CFAP58: variants seen among roughly 807,000 people sequenced by gnomAD.
CFAP58 encodes cilia and flagella associated protein 58.
CFAP58 carries 88 observed loss-of-function variants against 119.5 expected under a neutral mutation model. That is an observed-to-expected ratio of 0.74 (90% CI 0.62 to 0.88). CFAP58 has a LOEUF of 0.88. Ranked by LOEUF, CFAP58 falls within the 40% of genes least tolerant of loss-of-function variation. The pLI, the probability that CFAP58 is intolerant of heterozygous loss-of-function variation, is 0.00. For synonymous variants in CFAP58, 365 were observed against 366.3 expected (o/e 1.00, Z 0.04); for missense variants, 990 against 1,021.2 (o/e 0.97, Z 0.42).
intron 15 of CFAP58, among the ~76,000 whole-genome samples, chr10:104,435,760 T>TACA (rs1486260363): frequency 1.1e-4 from 17 of 152,342 alleles, no homozygotes; most frequent in South Asian, 2.1e-4. Flanking sequence ...TTATTAAGGC[T>TACA]TCAATTATCA....
chr10:104,384,165 T>A (rs1400650859), intron 9 of CFAP58, among the ~76,000 whole-genome samples: 1 of 152,242 alleles, frequency 6.6e-6, no homozygotes, highest in Non-Finnish European at 1.5e-5. Flanking sequence ...CTAATATGAA[T>A]CTGAGAAAGA....
rs200015401 is a variant in CFAP58 at position 104,357,872 on chromosome 10, T to C, written c.10-469T>C. 9.6e-5 allele frequency among the ~76,000 whole-genome samples: 12 copies of C among 124,820 alleles called. 1 individual carries two copies. The highest frequency in any genetic ancestry group is 3.1e-4 in the Admixed American group (4 of 12,952). The allele number at this position is 124,820 out of a possible 152,430, so 81.9% of individuals were successfully genotyped here. A position where few individuals can be genotyped will look rare whatever the true frequency, so the allele number is the denominator to read the frequency against. On this transcript the variant is annotated intron_variant, in intron 1 of 17. Coordinates refer to ENST00000369704, the MANE Select transcript of CFAP58 (RefSeq NM_001008723.2). The stretch of plus-strand genomic sequence containing the variant: ...ACACATATATACACATATATACACA[T>C]ATATGTACACATATATAAACATATA...
At chr10:104,384,351 G>A (rs1489530029) in intron 9 of CFAP58, among the ~76,000 whole-genome samples, 1 of 152,200 alleles carries the variant, frequency 6.6e-6, no homozygotes, top group Non-Finnish European at 1.5e-5. Flanking sequence ...AAGTGGATCT[G>A]CCACCACCCT....
chr10:104,429,960 G>C (rs556787309), intron 15 of CFAP58, among the ~76,000 whole-genome samples: 2 of 152,182 alleles, frequency 1.3e-5, no homozygotes, highest in Admixed American at 1.3e-4. Context: ...ACTCGGGGAG[G>C]GGTCTGCACC....
intron 11 of CFAP58, 50 bp from the exon 12 acceptor site, chr10:104,399,309 GT>G: frequency 6.2e-7 from 1 of 1,601,560 alleles, no homozygotes; most frequent in East Asian, 2.2e-5. Flanking sequence ...TGTCGTCCTG[GT>G]TTGTGCTGTA....
chr10:104,363,261 A>G (rs2135252024), intron 3 of CFAP58, among the ~76,000 whole-genome samples: 1 of 152,318 alleles, frequency 6.6e-6, no homozygotes. Flanking sequence ...GCACCTTTAT[A>G]TCCCCTCCAG....
rs200198757 is a variant in CFAP58 at position 104,399,444 on chromosome 10, C to T, written c.1759C>T (p.Arg587Ter). ...KQEAEERKLL[R>*]IIAEADGERL... is the part of the protein sequence containing the mutation. ...AGAAGCTGAAGAGAGAAAACTCCTGCGAATAATTGCTGAGGCTGACGGGGA... is the reference window on the plus strand; with the variant it reads ...AGAAGCTGAAGAGAGAAAACTCCTGTGAATAATTGCTGAGGCTGACGGGGA... Residue 587 changes from arginine (R) to a stop codon, truncating the protein, a stop_gained, in exon 12 of 18, where the codon CGA becomes TGA. Transcript: ENST00000369704. LOFTEE classifies it high-confidence loss of function. The T allele has an allele frequency of 4.8e-5, 77 of 1,613,804 alleles. No homozygotes were observed. The highest frequency in any genetic ancestry group is 5.9e-5 in the Non-Finnish European group (70 of 1,179,884).
At chr10:104,371,191 A>G in intron 7 of CFAP58, 137 bp downstream of exon 7, 2 of 752,832 alleles carry the variant, frequency 2.7e-6, no homozygotes, top group Non-Finnish European at 4.1e-6. Flanking sequence ...ACTGGTAAAC[A>G]GTCAATATGG....
intron 1 of CFAP58, 107 bp downstream of exon 1, chr10:104,354,013 C>A: frequency 7.2e-7 from 1 of 1,384,148 alleles, no homozygotes. Context: ...CCCCCATCAA[C>A]ATCTTATTCC....
intron 15 of CFAP58, among the ~76,000 whole-genome samples, chr10:104,423,421 AT>A (rs1195470486): frequency 3.3e-5 from 5 of 152,094 alleles, no homozygotes; most frequent in African/African-American, 1.2e-4. Flanking sequence ...GTTTTAAAAT[AT>A]TTTTTTCTTC....
chr10:104,412,428 A>G (rs1212860483), intron 15 of CFAP58, among the ~76,000 whole-genome samples: 1 of 152,026 alleles, frequency 6.6e-6, no homozygotes, highest in Non-Finnish European at 1.5e-5. Context: ...TAGCGTTTGG[A>G]ATGGTTGGGC....
intron 15 of CFAP58, among the ~76,000 whole-genome samples, chr10:104,441,090 C>T (rs2133091072): frequency 6.6e-6 from 1 of 152,362 alleles, no homozygotes; most frequent in East Asian, 1.9e-4. Context: ...GCAGCCTCTG[C>T]CTCCCAGGTT....
At position 104,407,167 on chromosome 10, in the gene CFAP58, A is replaced by G. The variant is rs192021089; in HGVS notation, c.2256+374A>G. Among the ~76,000 whole-genome samples the G allele has an allele frequency of 2.2e-4, 34 of 152,338 alleles. No homozygotes were observed. The East Asian group carries it at 5.0e-3, about 22-fold the overall frequency. ...AAATAAGCTTTCTCATAGAGCACAA[A>G]TGATCTGTTCACATGAAGATTTATG... On this transcript the variant is annotated intron_variant, in intron 15 of 17. Transcript: ENST00000369704.
intron 1 of CFAP58, among the ~76,000 whole-genome samples, chr10:104,357,341 G>T (rs920686663): frequency 6.6e-6 from 1 of 152,184 alleles, no homozygotes; most frequent in African/African-American, 2.4e-5. Flanking sequence ...ACACTGTGGG[G>T]CATGACCTAG....
At chr10:104,404,386 A>G (rs1014190759) in intron 14 of CFAP58, among the ~76,000 whole-genome samples, 1 of 152,182 alleles carries the variant, frequency 6.6e-6, no homozygotes, top group Admixed American at 6.5e-5. Flanking sequence ...ATTTAATTCT[A>G]TGACTTTCTG....
intron 1 of CFAP58, among the ~76,000 whole-genome samples, chr10:104,357,974 TGTAC>T (rs1245657640): frequency 7.2e-6 from 1 of 138,564 alleles, no homozygotes; most frequent in African/African-American, 3.1e-5. Flanking sequence ...TGTACACATA[TGTAC>T]ATATGTACAC....
At chr10:104,353,640 T>C (rs2014496702), upstream of CFAP58, 4 of 489,716 alleles carry the variant, frequency 8.2e-6, no homozygotes, top group Admixed American at 1.0e-4. Context: ...CTCCGCCCCA[T>C]TGGGATATAT....
intron 7 of CFAP58, among the ~76,000 whole-genome samples, chr10:104,372,063 A>C (rs993365265): frequency 2.0e-5 from 3 of 152,228 alleles, no homozygotes; most frequent in African/African-American, 7.2e-5. Flanking sequence ...GTCTTAAAAA[A>C]AAATTAAGGC....
intron 15 of CFAP58, among the ~76,000 whole-genome samples, chr10:104,439,722 C>CAACA (rs1259814847): frequency 6.6e-6 from 1 of 152,044 alleles, no homozygotes; most frequent in Non-Finnish European, 1.5e-5. Flanking sequence ...ACAACAACAA[C>CAACA]AACAACAACA....
Sources: gnomAD v4.1 joint callset for allele counts (sites outside exome capture counted in the v4.1 genomes callset) on GRCh38, gnomAD v4.1.1 for gene constraint, MANE v1.5 for transcripts, NCBI Gene and HGNC (gene_info 2026-07-23, HGNC 2026-07-21) for gene names.